The following CACNA2D3 variants were observed in gnomAD, a reference collection of about 807,000 sequenced individuals.
The protein encoded by CACNA2D3 is voltage-dependent calcium channel subunit alpha-2/delta-3.
Under a neutral mutation model 160.6 loss-of-function variants are expected in CACNA2D3, and 60 were observed. The ratio of observed to expected loss-of-function variants is 0.37; its 90% CI spans 0.30 to 0.46. CACNA2D3 has a LOEUF of 0.46. Ranked by LOEUF, CACNA2D3 falls within the 20% of genes least tolerant of loss-of-function variation. The pLI, the probability that CACNA2D3 is intolerant of heterozygous loss-of-function variation, is 1.00. For missense variants in CACNA2D3, 1,205 were observed against 1,365.0 expected (o/e 0.88, Z 1.85); for synonymous variants, 558 against 492.9 (o/e 1.13, Z -1.75).
chr3:54,914,748 G>A (rs556608782), intron 27 of CACNA2D3, among the ~76,000 whole-genome samples: 1 of 152,310 alleles, frequency 6.6e-6, no homozygotes, highest in Non-Finnish European at 1.5e-5. Context: ...GTTCCCTAAA[G>A]TCATGCATGC....
At chr3:54,380,592 G>A (rs1699085315) in intron 3 of CACNA2D3, among the ~76,000 whole-genome samples, 1 of 152,144 alleles carries the variant, frequency 6.6e-6, no homozygotes, top group African/African-American at 2.4e-5. Context: ...CAAAAAATTA[G>A]CCAGGCATGG....
intron 10 of CACNA2D3, among the ~76,000 whole-genome samples, chr3:54,631,281 TTAACAC>T (rs943765562): frequency 1.3e-5 from 2 of 151,682 alleles, no homozygotes; most frequent in Admixed American, 6.6e-5. Flanking sequence ...TGGTTGGCGA[TTAACAC>T]TATATTTGTT....
chr3:55,057,219 G>A (rs1704385210), intron 35 of CACNA2D3, among the ~76,000 whole-genome samples: 1 of 152,178 alleles, frequency 6.6e-6, no homozygotes. Flanking sequence ...GGAACCGTGA[G>A]TCAATTAAAC....
intron 6 of CACNA2D3, among the ~76,000 whole-genome samples, chr3:54,565,610 G>A (rs1281859694): frequency 6.6e-6 from 1 of 152,144 alleles, no homozygotes; most frequent in East Asian, 1.9e-4. Flanking sequence ...CTTGAAGTGT[G>A]CTAGGTGAGG....
intron 4 of CACNA2D3, among the ~76,000 whole-genome samples, chr3:54,401,432 T>C (rs2106699744): frequency 6.6e-6 from 1 of 152,336 alleles, no homozygotes; most frequent in Non-Finnish European, 1.5e-5. Context: ...CCAAAGTGGT[T>C]CTCTCTGAGG....
At chr3:55,018,505 G>A (rs1174071624) in intron 35 of CACNA2D3, among the ~76,000 whole-genome samples, 188 bp downstream of exon 35, 1 of 152,156 alleles carries the variant, frequency 6.6e-6, no homozygotes, top group East Asian at 1.9e-4. Flanking sequence ...TCTAGACACT[G>A]GGAAGCATTC....
At chr3:54,993,605 A>C (rs577357214) in intron 31 of CACNA2D3, among the ~76,000 whole-genome samples, 3 of 152,238 alleles carry the variant, frequency 2.0e-5, no homozygotes, top group Admixed American at 6.5e-5. Context: ...AAGGATGAAA[A>C]TGTGGCTGTT....
intron 11 of CACNA2D3, among the ~76,000 whole-genome samples, chr3:54,690,443 A>AAC (rs1429919830): frequency 6.6e-6 from 1 of 152,214 alleles, no homozygotes; most frequent in Non-Finnish European, 1.5e-5. Context: ...AAATACTCAT[A>AAC]ACAGGGCCCA....
At chr3:54,319,365 A>G (rs188340511) in intron 2 of CACNA2D3, among the ~76,000 whole-genome samples, 96 of 152,246 alleles carry the variant, frequency 6.3e-4, no homozygotes, top group Non-Finnish European at 1.1e-3. Flanking sequence ...AGGTCTCTAG[A>G]GCTGAGATGA....
intron 4 of CACNA2D3, among the ~76,000 whole-genome samples, chr3:54,452,867 C>T (rs554114732): frequency 9.2e-5 from 14 of 152,166 alleles, no homozygotes; most frequent in Non-Finnish European, 1.6e-4. Context: ...CATGCCTTGG[C>T]TTCCTGCTGC....
chr3:54,549,813 T>A (rs1036582586), intron 5 of CACNA2D3, among the ~76,000 whole-genome samples: 2 of 152,174 alleles, frequency 1.3e-5, no homozygotes, highest in Admixed American at 1.3e-4. Flanking sequence ...ATATTAAATA[T>A]CAATAAAAAG....
intron 14 of CACNA2D3, among the ~76,000 whole-genome samples, chr3:54,831,542 T>C (rs1703877797): frequency 6.6e-6 from 1 of 152,234 alleles, no homozygotes; most frequent in Non-Finnish European, 1.5e-5. Flanking sequence ...AAACTTCTAC[T>C]CATTGTGAAG....
At chr3:54,123,973 T>C (rs1021546100) in intron 2 of CACNA2D3, among the ~76,000 whole-genome samples, 1 of 152,174 alleles carries the variant, frequency 6.6e-6, no homozygotes, top group African/African-American at 2.4e-5. Flanking sequence ...TTGTGATGCC[T>C]TTCACCTTGC....
At chr3:54,414,811 T>C (rs1325675601) in intron 4 of CACNA2D3, among the ~76,000 whole-genome samples, 1 of 151,616 alleles carries the variant, frequency 6.6e-6, no homozygotes, top group Non-Finnish European at 1.5e-5. Context: ...CTTTTTTTTT[T>C]TTTTTTTCCA....
intron 4 of CACNA2D3, among the ~76,000 whole-genome samples, chr3:54,422,453 C>T (rs900743093): frequency 6.6e-6 from 1 of 152,056 alleles, no homozygotes; most frequent in Non-Finnish European, 1.5e-5. Context: ...TAGAAAGAAC[C>T]CCTTCCATAT....
At chr3:54,762,437 T>G (rs772564735) in intron 12 of CACNA2D3, among the ~76,000 whole-genome samples, 26 of 152,342 alleles carry the variant, frequency 1.7e-4, no homozygotes, top group Admixed American at 1.2e-3. Flanking sequence ...TGATTGGCTG[T>G]GCCTGTTGTA....
chr3:54,389,377 A>G (rs559518514), intron 4 of CACNA2D3, among the ~76,000 whole-genome samples: 11 of 152,308 alleles, frequency 7.2e-5, no homozygotes, highest in African/African-American at 2.6e-4. Context: ...TTAGAAAATT[A>G]TGGTAATTAA....
At chr3:54,560,275 A>G (rs969539598) in intron 5 of CACNA2D3, among the ~76,000 whole-genome samples, 3 of 152,222 alleles carry the variant, frequency 2.0e-5, no homozygotes, top group Non-Finnish European at 4.4e-5. Flanking sequence ...AATAACAGCC[A>G]TTCTGACTGG....
chr3:54,363,892 G>T (rs1345794416), intron 3 of CACNA2D3, among the ~76,000 whole-genome samples: 1 of 152,246 alleles, frequency 6.6e-6, no homozygotes. Flanking sequence ...GGCTTTCTCT[G>T]AGCCTCTGTG....
Sources: gnomAD v4.1 joint callset for allele counts (sites outside exome capture counted in the v4.1 genomes callset) on GRCh38, gnomAD v4.1.1 for gene constraint, MANE v1.5 for transcripts, NCBI Gene and HGNC (gene_info 2026-07-23, HGNC 2026-07-21) for gene names.